Variants in RPS6KA2 observed in about 807,000 individuals in gnomAD.
RPS6KA2 encodes ribosomal protein S6 kinase A2, also known as ribosomal protein S6 kinase alpha-2.
RPS6KA2 carries 42 observed loss-of-function variants against 91.8 expected under a neutral mutation model. That is an observed-to-expected ratio of 0.46 (90% CI 0.36 to 0.59). RPS6KA2 has a LOEUF of 0.59. Ranked by LOEUF, RPS6KA2 falls within the 20% of genes least tolerant of loss-of-function variation. RPS6KA2 has a pLI of 0.00. For synonymous variants in RPS6KA2, 414 were observed against 393.6 expected, an observed-to-expected ratio of 1.05 and a Z score of -0.61; for missense variants, 798 against 978.5, an observed-to-expected ratio of 0.82 and a Z score of 2.46.
chr6:166,695,556 G>C (rs547261513), intron 2 of RPS6KA2, among the ~76,000 whole-genome samples: 38 of 152,338 alleles, frequency 2.5e-4, no homozygotes, highest in Admixed American at 4.6e-4. Flanking sequence ...GACTGGTACA[G>C]GTCCATGGCT....
At chr6:166,805,951 C>T (rs1271945234) in intron 2 of RPS6KA2, among the ~76,000 whole-genome samples, 1 of 151,972 alleles carries the variant, frequency 6.6e-6, no homozygotes, top group Non-Finnish European at 1.5e-5. Flanking sequence ...AAAACCTGGA[C>T]CTGAAAAGTA....
chr6:166,753,100 G>A (rs919710275), intron 2 of RPS6KA2, among the ~76,000 whole-genome samples: 8 of 152,246 alleles, frequency 5.3e-5, no homozygotes, highest in Admixed American at 5.2e-4. Flanking sequence ...TGTAGGAAGT[G>A]TGTGGTTTAC....
chr6:166,558,694 G>T (rs978126589), intron 1 of RPS6KA2, among the ~76,000 whole-genome samples: 1 of 152,126 alleles, frequency 6.6e-6, no homozygotes, highest in Non-Finnish European at 1.5e-5. Flanking sequence ...TGCTGTTAAC[G>T]GAAAAGGTTT....
chr6:166,766,280 G>A lies in RPS6KA2; in HGVS notation c.123+91920C>T, dbSNP rs145203868. ...TCTGTATCATATCATCACCCAGTGA[G>A]TATAGTGCTATTTAAAAATTTTTTA... On this transcript the variant is annotated intron_variant, in intron 2 of 21. Coordinates refer to the RPS6KA2 transcript ENST00000503859. Among the ~76,000 whole-genome samples, 383 of 152,240 alleles carry A rather than the reference G, an allele frequency of 2.5e-3. 3 individuals are homozygous for A. Among genetic ancestry groups the A allele is most frequent in the African/African-American group, 8.8e-3 (367 of 41,534 alleles).
chr6:166,673,927 A>C (rs545557354), intron 2 of RPS6KA2, among the ~76,000 whole-genome samples: 27 of 152,234 alleles, frequency 1.8e-4, no homozygotes, highest in Non-Finnish European at 3.8e-4. Context: ...AAGAGTTACC[A>C]TCAGATAAAT....
At position 166,821,340 on chromosome 6, in the gene RPS6KA2, T is replaced by C. The variant is rs1371848993; in HGVS notation, c.123+36860A>G. Among the ~76,000 whole-genome samples, 2 of 151,980 alleles carry C rather than the reference T, an allele frequency of 1.3e-5. No homozygotes were observed. Among genetic ancestry groups the C allele is most frequent in the Non-Finnish European group, 2.9e-5 (2 of 68,010 alleles). ...CAATTCCCTCTGGGGAGGGGCCTGGTTGTCCTCTTTGGGTGGCTTAGCAGC... is the reference window on the plus strand; with the variant it reads ...CAATTCCCTCTGGGGAGGGGCCTGGCTGTCCTCTTTGGGTGGCTTAGCAGC... On this transcript the variant is annotated intron_variant, in intron 2 of 21. Transcript: ENST00000503859. This position sits in a 1 kb window ranked among gnomAD's most constrained non-coding sequence, Gnocchi z 4.1.
rs74444606 is a variant in RPS6KA2, at chr6:166,412,070, A to G, written c.*692T>C. ...AGGCACCCCCTTCCATCCTGGTGAC[A>G]CGGAGCTCTCAAGGCAAAGATCCAG... On this transcript the variant is annotated 3_prime_UTR_variant, in exon 21 of 21. Transcript: ENST00000265678. This position sits in a 1 kb window ranked among gnomAD's most constrained non-coding sequence, Gnocchi z 4.3. 2,331 of 152,428 alleles carry G rather than the reference A, an allele frequency of 0.015. 55 individuals are homozygous for G. The highest frequency in any genetic ancestry group is 0.051 in the African/African-American group (2,121 of 41,466). The allele number at this position is 152,428 out of a possible 1,614,324, so 9.4% of individuals were successfully genotyped here.
exon 2 of RPS6KA2, chr6:166,858,223 T>C (rs943687): frequency 0.98 from 1,512,443 of 1,545,494 alleles, 741,339 homozygotes; most frequent in Non-Finnish European, 0.99. Flanking sequence ...TCTTCTGTGG[T>C]GGGCTCCACA....
intron 2 of RPS6KA2, among the ~76,000 whole-genome samples, chr6:166,697,343 T>C (rs1311853311): frequency 1.3e-5 from 2 of 152,232 alleles, no homozygotes; most frequent in Admixed American, 1.3e-4. Context: ...TGTGGCAGAA[T>C]GTCCCCTGGG....
chr6:166,687,595 AT>A (rs1392811839), intron 2 of RPS6KA2, among the ~76,000 whole-genome samples: 1 of 151,992 alleles, frequency 6.6e-6, no homozygotes, highest in African/African-American at 2.4e-5. Context: ...CACTCTATTT[AT>A]TTTTCTATTA....
intron 12 of RPS6KA2, among the ~76,000 whole-genome samples, chr6:166,455,366 G>A (rs562251665): frequency 6.6e-6 from 1 of 152,270 alleles, no homozygotes; most frequent in East Asian, 1.9e-4. Flanking sequence ...GCAGATGGAC[G>A]ACGCAGCGTC....
Position 166,612,904 on chromosome 6 carries a change from T to C in RPS6KA2, c.99+14017A>G, listed in dbSNP as rs1786238400. 6.6e-6 allele frequency among the ~76,000 whole-genome samples: 1 copy of C among 152,174 alleles called. No homozygotes were observed. Among genetic ancestry groups the C allele is most frequent in the South Asian group, 2.1e-4 (1 of 4,828 alleles). ...TCCACTCTTCCCCTTCTCTTGTCTTTCTTCTTCCTGCCTCTTCTCTCCCCT... is the reference window on the plus strand; with the variant it reads ...TCCACTCTTCCCCTTCTCTTGTCTTCCTTCTTCCTGCCTCTTCTCTCCCCT... On this transcript the variant is annotated intron_variant, in intron 1 of 20. Transcript: ENST00000265678. The surrounding 1 kb of genome is among the most constrained non-coding windows in gnomAD (Gnocchi z 4.3).
chr6:166,839,633 C>A, intron 2 of RPS6KA2, among the ~76,000 whole-genome samples: 1 of 117,618 alleles, frequency 8.5e-6, no homozygotes. Flanking sequence ...AGATGCCATC[C>A]CAATGTAGTC....
At chr6:166,537,867 C>T (rs1783530767) in intron 2 of RPS6KA2, among the ~76,000 whole-genome samples, 1 of 152,232 alleles carries the variant, frequency 6.6e-6, no homozygotes, top group Non-Finnish European at 1.5e-5. Flanking sequence ...ATATTTCTAA[C>T]AGCTAACCCA....
At chr6:166,467,219 C>T (rs1350547585) in intron 11 of RPS6KA2, among the ~76,000 whole-genome samples, 1 of 120,018 alleles carries the variant, frequency 8.3e-6, no homozygotes, top group Non-Finnish European at 1.9e-5. Context: ...CACTCCCTCA[C>T]TCATTCACTC....
intron 2 of RPS6KA2, among the ~76,000 whole-genome samples, chr6:166,721,718 G>T (rs1253386657): frequency 6.6e-6 from 1 of 152,176 alleles, no homozygotes; most frequent in Non-Finnish European, 1.5e-5. Context: ...TTCACCCAGT[G>T]GGCGGGCGGC....
In RPS6KA2 at chr6:166,767,706, A is replaced by G. The variant is rs1218300196; in HGVS notation, c.123+90494T>C. ...GGTCACCTCATTATTTTATTTGCATATCAGGTTACCTGACAAAAGAACATA... is the reference window on the plus strand; with the variant it reads ...GGTCACCTCATTATTTTATTTGCATGTCAGGTTACCTGACAAAAGAACATA... On this transcript the variant is annotated intron_variant, in intron 2 of 21. Coordinates refer to the RPS6KA2 transcript ENST00000503859. This position sits in a 1 kb window ranked among gnomAD's most constrained non-coding sequence, Gnocchi z 4.6. Among the ~76,000 whole-genome samples, 9 of 152,142 alleles carry G rather than the reference A, an allele frequency of 5.9e-5. No homozygotes were observed. In the East Asian group the frequency reaches 1.7e-3, roughly 30 times the overall value.
At position 166,469,326 on chromosome 6, in the gene RPS6KA2, G is replaced by T. The variant is rs76660158; in HGVS notation, c.972+515C>A. Among the ~76,000 whole-genome samples the T allele has an allele frequency of 5.5e-3, 751 of 137,736 alleles. 2 individuals are homozygous for T. Among genetic ancestry groups the T allele is most frequent in the Admixed American group, 7.8e-3 (108 of 13,884 alleles). The allele number at this position is 137,736 out of a possible 152,430, so 90.4% of individuals were successfully genotyped here. ...TTTATTCCAACAACTCGGCACTGTT[G>T]TTTTTTTTTTTTTTTTTTAAATGTG... On this transcript the variant is annotated intron_variant, in intron 11 of 20. Transcript: ENST00000265678.
At chr6:166,824,988 A>C (rs569979251) in intron 2 of RPS6KA2, among the ~76,000 whole-genome samples, 65 of 152,344 alleles carry the variant, frequency 4.3e-4, no homozygotes, top group African/African-American at 1.5e-3. Flanking sequence ...CGGGGTGCTA[A>C]CTTGAAGCCA....
Sources: gnomAD v4.1 joint callset for allele counts (sites outside exome capture counted in the v4.1 genomes callset) on GRCh38, gnomAD v4.1.1 for gene constraint, Gnocchi (gnomAD v3.1) non-coding constraint, MANE v1.5 for transcripts, NCBI Gene and HGNC (gene_info 2026-07-23, HGNC 2026-07-21) for gene names.